The following HCRTR2 variants were observed in gnomAD, a reference collection of about 807,000 sequenced individuals.
The protein encoded by HCRTR2 is orexin receptor type 2.
Under a neutral mutation model 49.0 loss-of-function variants are expected in HCRTR2, and 22 were observed. The observed-to-expected ratio is 0.45, with a 90% CI of 0.32 to 0.64. The LOEUF (loss-of-function observed/expected upper bound fraction) is 0.64, where lower values mean the gene tolerates loss of function less well. Among genes scored for constraint, HCRTR2 ranks in the 30% least tolerant of loss-of-function variants. HCRTR2 has a pLI of 0.04. For synonymous variants in HCRTR2, 236 were observed against 205.3 expected, an observed-to-expected ratio of 1.15 and a Z score of -1.28; for missense variants, 491 against 559.4, an observed-to-expected ratio of 0.88 and a Z score of 1.23.
chr6:55,218,402 G>C (rs867614742), intron 1 of HCRTR2, among the ~76,000 whole-genome samples: 29 of 152,292 alleles, frequency 1.9e-4, no homozygotes, highest in African/African-American at 5.5e-4. Context: ...AATAGTAGGA[G>C]TTTATCTGTC....
At chr6:55,266,714 A>G (rs1766867037) in intron 4 of HCRTR2, among the ~76,000 whole-genome samples, 1 of 152,122 alleles carries the variant, frequency 6.6e-6, no homozygotes, top group African/African-American at 2.4e-5. Flanking sequence ...CTGTCTTGTT[A>G]CTTTTACATG....
intron 1 of HCRTR2, among the ~76,000 whole-genome samples, chr6:55,219,796 C>T (rs539793129): frequency 6.6e-6 from 1 of 151,618 alleles, no homozygotes; most frequent in African/African-American, 2.4e-5. Flanking sequence ...AATTTACAAA[C>T]CTTTGGCTAG....
rs997180172 is a variant in HCRTR2, at chr6:55,166,050, G to C, written c.-377-8161G>C. 2.0e-5 allele frequency among the ~76,000 whole-genome samples: 3 copies of C among 151,988 alleles called. No individual in the cohort carries two copies. The East Asian group carries it at 5.9e-4, about 30-fold the overall frequency. ...TTATCATGAAGAGATGTTGCATTTTGTCAAATGCCTTTTCTGTGTCTTTTG... is the reference window on the plus strand; with the variant it reads ...TTATCATGAAGAGATGTTGCATTTTCTCAAATGCCTTTTCTGTGTCTTTTG... On this transcript the variant is annotated intron_variant, in intron 1 of 7. Transcript: ENST00000615358.
intron 1 of HCRTR2, among the ~76,000 whole-genome samples, chr6:55,115,315 A>G (rs1209509418): frequency 6.6e-6 from 1 of 151,750 alleles, no homozygotes; most frequent in Non-Finnish European, 1.5e-5. Context: ...AGAGATTCAG[A>G]GTAGAGACTT....
At chr6:55,280,251 C>T in intron 5 of HCRTR2, 72 bp from the exon 6 acceptor site, 1 of 1,029,360 alleles carries the variant, frequency 9.7e-7, no homozygotes, top group Non-Finnish European at 1.5e-6. Context: ...AGACCATCCT[C>T]TACCAATAGC....
intron 1 of HCRTR2, among the ~76,000 whole-genome samples, chr6:55,166,654 A>C (rs1445727673): frequency 6.6e-6 from 1 of 152,134 alleles, no homozygotes; most frequent in Admixed American, 6.6e-5. Flanking sequence ...TCAGTTCCTC[A>C]AACAGTTCAA....
chr6:55,168,857 C>T (rs6913639), intron 1 of HCRTR2, among the ~76,000 whole-genome samples: 143,896 of 152,132 alleles, frequency 0.95, 68,154 homozygotes, highest in East Asian at 1. Flanking sequence ...ATGTATGTAA[C>T]GTACTTGGCA....
At chr6:55,254,384 T>A (rs1160384753) in intron 2 of HCRTR2, among the ~76,000 whole-genome samples, 2 of 152,126 alleles carry the variant, frequency 1.3e-5, no homozygotes, top group African/African-American at 4.8e-5. Flanking sequence ...ATTTTTAAAA[T>A]TTTTTGTTGT....
chr6:55,133,502 C>T (rs1023997721), intron 1 of HCRTR2, among the ~76,000 whole-genome samples: 42 of 151,832 alleles, frequency 2.8e-4, no homozygotes, highest in Non-Finnish European at 5.6e-4. Context: ...AAGCTTTCTT[C>T]AATTGCTGCA....
At chr6:55,135,620 C>A (rs1764423313) in intron 1 of HCRTR2, among the ~76,000 whole-genome samples, 1 of 152,062 alleles carries the variant, frequency 6.6e-6, no homozygotes, top group Admixed American at 6.6e-5. Context: ...GATAAGTAAG[C>A]CTTATAGTAC....
At chr6:55,140,161 C>CA (rs1764487754) in intron 1 of HCRTR2, among the ~76,000 whole-genome samples, 1 of 150,546 alleles carries the variant, frequency 6.6e-6, no homozygotes, top group African/African-American at 2.4e-5. Flanking sequence ...TAATCTGACC[C>CA]TTTTTTTAGT....
intron 1 of HCRTR2, among the ~76,000 whole-genome samples, chr6:55,141,151 G>A (rs934051508): frequency 2.0e-5 from 3 of 149,528 alleles, no homozygotes; most frequent in African/African-American, 7.5e-5. Flanking sequence ...TGGCTAACAC[G>A]GTGAAATCCC....
chr6:55,120,558 G>A (rs182269739), intron 1 of HCRTR2, among the ~76,000 whole-genome samples: 1 of 150,650 alleles, frequency 6.6e-6, no homozygotes, highest in East Asian at 1.9e-4. Flanking sequence ...CTCACTGTTT[G>A]TTATTGTTGT....
intron 3 of HCRTR2, among the ~76,000 whole-genome samples, chr6:55,261,802 A>T (rs1766761551): frequency 6.6e-6 from 1 of 152,204 alleles, no homozygotes; most frequent in Non-Finnish European, 1.5e-5. Flanking sequence ...AAAATAAGCC[A>T]TTATACTAAA....
At chr6:55,226,863 T>C (rs9357848) in intron 1 of HCRTR2, among the ~76,000 whole-genome samples, 51,825 of 150,450 alleles carry the variant, frequency 0.34, 9,662 homozygotes, top group African/African-American at 0.49. Context: ...GGACTACAGG[T>C]GCCCGCCACC....
At chr6:55,210,929 A>G (rs1304436773) in intron 1 of HCRTR2, among the ~76,000 whole-genome samples, 1 of 152,164 alleles carries the variant, frequency 6.6e-6, no homozygotes, top group Non-Finnish European at 1.5e-5. Flanking sequence ...GTTTTGGTCA[A>G]CGACAGACTG....
At chr6:55,132,035 T>C (rs1357078348) in intron 1 of HCRTR2, among the ~76,000 whole-genome samples, 1 of 151,840 alleles carries the variant, frequency 6.6e-6, no homozygotes, top group Admixed American at 6.6e-5. Flanking sequence ...ATAAATAGCA[T>C]GAGTTGTACA....
At chr6:55,251,838 C>G (rs994217113) in intron 2 of HCRTR2, among the ~76,000 whole-genome samples, 2 of 151,900 alleles carry the variant, frequency 1.3e-5, no homozygotes, top group African/African-American at 4.8e-5. Context: ...GACCAAGTAC[C>G]TGAAGGCAGA....
At chr6:55,144,182 G>A (rs1764548086) in intron 1 of HCRTR2, among the ~76,000 whole-genome samples, 1 of 137,014 alleles carries the variant, frequency 7.3e-6, no homozygotes, top group Non-Finnish European at 1.5e-5. Flanking sequence ...GCGCGATCTC[G>A]GCGCACCGCA....
Sources: allele counts gnomAD v4.1 joint callset (sites outside exome capture counted in the v4.1 genomes callset), GRCh38; gene constraint gnomAD v4.1.1; transcripts MANE v1.5; gene names NCBI Gene and HGNC (gene_info 2026-07-23, HGNC 2026-07-21).